Variants in ATR observed in about 807,000 individuals in gnomAD.
ATR encodes the protein ATR checkpoint kinase.
In ATR, 142 loss-of-function variants were observed where a neutral mutation model predicts 305.3. The ratio of observed to expected loss-of-function variants is 0.47; its 90% confidence interval spans 0.41 to 0.53. The LOEUF (loss-of-function observed/expected upper bound fraction) is 0.53, where lower values mean the gene tolerates loss of function less well. ATR is among the 20% of genes least tolerant of loss of function. The pLI is 0.00. For synonymous variants in ATR, 1,050 were observed against 1,068.1 expected, an observed-to-expected ratio of 0.98 and a Z score of 0.33; for missense variants, 2,135 against 3,133.1, an observed-to-expected ratio of 0.68 and a Z score of 7.60.
At chr3:142,507,831 T>C in intron 28 of ATR, 100 bp downstream of exon 28, 2 of 1,141,758 alleles carry the variant, frequency 1.8e-6, no homozygotes, top group Non-Finnish European at 2.5e-6. Flanking sequence ...TATAAGCTTC[T>C]AAGCATAGCA....
At chr3:142,556,845 A>T (rs1228479406) in intron 8 of ATR, among the ~76,000 whole-genome samples, 3 of 152,172 alleles carry the variant, frequency 2.0e-5, no homozygotes, top group Non-Finnish European at 2.9e-5. Flanking sequence ...GAAAAAGAAA[A>T]AATTTAAGAT....
intron 44 of ATR, among the ~76,000 whole-genome samples, chr3:142,458,484 G>A (rs1459663142): frequency 6.6e-6 from 1 of 152,080 alleles, no homozygotes; most frequent in African/African-American, 2.4e-5. Context: ...AAATTGTAGG[G>A]GGCCTTAAAG....
intron 21 of ATR, among the ~76,000 whole-genome samples, chr3:142,534,281 TC>T (rs1391977791): frequency 6.6e-6 from 1 of 152,018 alleles, no homozygotes; most frequent in African/African-American, 2.4e-5. Flanking sequence ...TAGAGGAGAT[TC>T]AAGGCTCCTC....
rs2108465022 is a variant in ATR at position 142,553,841 on chromosome 3, T to A, written c.2516A>T (p.Asp839Val). The A allele has an allele frequency of 6.2e-7, 1 of 1,613,580 alleles. No homozygotes were observed. Among genetic ancestry groups the A allele is most frequent in the East Asian group, 2.2e-5 (1 of 44,748 alleles). The change falls in exon 11 of 47, where the codon GAT (aspartate) becomes GTT (valine). Residue 839 changes from aspartate to valine, a missense_variant. Asp to Val is a radical substitution (Grantham distance 152, BLOSUM62 -3). This residue lies in a region of ATR where 530 missense variants were observed against 766.8 expected (regional missense o/e 0.69). Transcript: ENST00000350721. ...ATTATCAACCTCCTTTATAAATCCA[T>A]CTTCAGAGTCCAAGGATTCCAATAT... Reference protein sequence around the residue: ...KHILESLDSEDGFIKELFVLR... With the variant: ...KHILESLDSEVGFIKELFVLR...
chr3:142,536,175 T>C lies in ATR; in HGVS notation c.3752A>G (p.Glu1251Gly). 2 of 1,590,498 alleles carry C rather than the reference T, an allele frequency of 1.3e-6. No individual in the cohort carries two copies. The highest frequency in any genetic ancestry group is 1.7e-6 in the Non-Finnish European group (2 of 1,158,932). Residue 1251 changes from glutamate to glycine, a missense_variant, in exon 20 of 47, where the codon GAA (glutamate) becomes GGA (glycine). This residue lies in a region of ATR where 530 missense variants were observed against 766.8 expected (regional missense o/e 0.69). Coordinates refer to ENST00000350721, the MANE Select transcript of ATR (RefSeq NM_001184.4). ...NRDAVQDFLHEIYFLPDHPEL... is the reference protein window; with the variant it reads ...NRDAVQDFLHGIYFLPDHPEL... ...TGGATGATCAGGTAAAAAATATATT[T>C]CATGAAGAAAATCTTGCACAGCATC...
At chr3:142,502,881 T>C (rs758484255) in intron 30 of ATR, among the ~76,000 whole-genome samples, 15 of 152,226 alleles carry the variant, frequency 9.9e-5, no homozygotes, top group Non-Finnish European at 2.1e-4. Flanking sequence ...CACATACATG[T>C]ATTATTTTTT....
In ATR at chr3:142,498,736, G is replaced by C. The variant is rs2108341630; in HGVS notation, c.5419C>G (p.Leu1807Val). ...STTWSVRLGQLLLSAKKRDIT... is the reference protein window; with the variant it reads ...STTWSVRLGQVLLSAKKRDIT... Reference sequence around the variant, plus strand: ...TCTCTTTTTTTGGCTGATAATAATAGCTGTCCCAGTCTGACACTCCATGTT... The same window carrying C: ...TCTCTTTTTTTGGCTGATAATAATACCTGTCCCAGTCTGACACTCCATGTT... Residue 1807 changes from leucine (L) to valine (V), a missense_variant, in exon 32 of 47, where the codon CTA becomes GTA. Physicochemically the swap from Leu to Val is conservative, Grantham distance 32 (BLOSUM62 1). This residue lies in a region of ATR where 117 missense variants were observed against 198.3 expected (regional missense o/e 0.59). Coordinates refer to ENST00000350721, the MANE Select transcript of ATR (RefSeq NM_001184.4). 1.2e-6 allele frequency: 2 copies of C among 1,614,040 alleles called. No individual in the cohort carries two copies. Among genetic ancestry groups the C allele is most frequent in the Non-Finnish European group, 8.5e-7 (1 of 1,180,002 alleles).
intron 42 of ATR, 122 bp downstream of exon 42, chr3:142,461,805 TTCTGTATATAAAA>T (rs2071027700): frequency 1.1e-6 from 1 of 924,370 alleles, no homozygotes; most frequent in East Asian, 2.6e-5. Context: ...ACTTAAGTGT[TTCTGTATATAAAA>T]TCTAGAAATT....
Position 142,493,035 on chromosome 3 carries a change from T to G in ATR, c.6078+97A>C, listed in dbSNP as rs2031380792. 2.2e-6 allele frequency: 3 copies of G among 1,365,666 alleles called. No homozygotes were observed. The South Asian group carries it at 4.1e-5, about 19-fold the overall frequency. 84.6% of individuals were successfully genotyped at this position (1,365,666 alleles called of 1,614,324 possible). A position where few individuals can be genotyped will look rare whatever the true frequency, so the allele number is the denominator to read the frequency against. On this transcript the variant is annotated intron_variant, in intron 35 of 46. Transcript: ENST00000350721. ...ATACTCACTGAAAAGTCAAAAAAAT[T>G]TCCTGGTTATTTTTATACATGTGCT...
In ATR at chr3:142,554,053, T is replaced by C. The variant is rs200285374; in HGVS notation, c.2342-38A>G. 9.3e-5 allele frequency: 141 copies of C among 1,508,494 alleles called. No individual in the cohort carries two copies. In the East Asian group the frequency reaches 2.6e-3, roughly 28 times the overall value. 93.4% of individuals were successfully genotyped at this position (1,508,494 alleles called of 1,614,324 possible). A position where few individuals can be genotyped will look rare whatever the true frequency, so the allele number is the denominator to read the frequency against. ...AGTATACAATACCTAATTTAACATATTAAATGTCAAGGTTGTACTGTAAAA... is the reference window on the plus strand; with the variant it reads ...AGTATACAATACCTAATTTAACATACTAAATGTCAAGGTTGTACTGTAAAA... On this transcript the variant is annotated intron_variant, in intron 10 of 46. Transcript: ENST00000350721.
intron 10 of ATR, among the ~76,000 whole-genome samples, chr3:142,554,982 C>G (rs992837154): frequency 6.6e-6 from 1 of 150,378 alleles, no homozygotes; most frequent in Non-Finnish European, 1.5e-5. Context: ...ATGCCTGTAA[C>G]CCCAGCACTT....
chr3:142,507,486 T>A (rs1020541864), intron 28 of ATR, among the ~76,000 whole-genome samples: 4 of 152,224 alleles, frequency 2.6e-5, no homozygotes, highest in Non-Finnish European at 5.9e-5. Context: ...ACTTCCCTAG[T>A]TCGCACCCTC....
At chr3:142,543,400 C>A in intron 16 of ATR, among the ~76,000 whole-genome samples, 1 of 121,194 alleles carries the variant, frequency 8.3e-6, no homozygotes, top group East Asian at 2.4e-4. Context: ...CCGTCCATCC[C>A]TTCTTCCTCC....
At chr3:142,504,697 C>T (rs950935206) in intron 29 of ATR, among the ~76,000 whole-genome samples, 6 of 152,118 alleles carry the variant, frequency 3.9e-5, no homozygotes, top group Admixed American at 2.0e-4. Context: ...CTCCTGACCT[C>T]GGGGAATCCA....
chr3:142,557,572 G>C (rs758573946), intron 8 of ATR, among the ~76,000 whole-genome samples: 1 of 152,008 alleles, frequency 6.6e-6, no homozygotes, highest in Non-Finnish European at 1.5e-5. Context: ...ACATTCAACA[G>C]AACAATCAAC....
chr3:142,496,643 C>G, intron 33 of ATR, 123 bp from the exon 34 acceptor site: 1 of 1,024,498 alleles, frequency 9.8e-7, no homozygotes, highest in Non-Finnish European at 1.5e-6. Context: ...TTGAAAGCCT[C>G]TGTTCCCAAT....
In ATR at chr3:142,566,168, A is replaced by C; in HGVS notation, c.245T>G (p.Met82Arg). 6.2e-7 allele frequency: 1 copy of C among 1,614,162 alleles called. No homozygotes were observed. The highest frequency in any genetic ancestry group is 8.5e-7 in the Non-Finnish European group (1 of 1,179,982). Residue 82 changes from methionine (M) to arginine (R), a missense_variant, in exon 3 of 47, where the codon ATG becomes AGG. By Grantham distance (91) the Met-to-Arg change is moderately conservative (BLOSUM62 -1). Around this residue, in one of 9 missense-constraint regions of ATR, gnomAD observed 744 missense variants for 873.2 expected, o/e 0.85. Transcript: ENST00000350721. ...ATGGCTTCCACTCACATTTACAAAC[A>C]TAAGTGGGGAGGATTTCATGATATG... ...IQHIMKSSPLMFVNVSGSHEA... is the reference protein window; with the variant it reads ...IQHIMKSSPLRFVNVSGSHEA...
chr3:142,571,790 T>C (rs151056346), intron 1 of ATR, among the ~76,000 whole-genome samples: 8 of 152,196 alleles, frequency 5.3e-5, no homozygotes, highest in African/African-American at 1.9e-4. Flanking sequence ...TGATACAGAG[T>C]CTCGCTCTGT....
chr3:142,529,770 T>C (rs539318851), intron 21 of ATR, among the ~76,000 whole-genome samples: 35 of 152,282 alleles, frequency 2.3e-4, no homozygotes, highest in African/African-American at 8.4e-4. Flanking sequence ...CTCTGTACAT[T>C]CCTACTGAGA....
Sources: gnomAD v4.1 joint callset for allele counts (sites outside exome capture counted in the v4.1 genomes callset) on GRCh38, gnomAD v4.1.1 for gene constraint, gnomAD v4.1.1 regional missense constraint, MANE v1.5 for transcripts, NCBI Gene and HGNC (gene_info 2026-07-23, HGNC 2026-07-21) for gene names.